The following DYNLL2 variants were observed in gnomAD, a reference collection of about 807,000 sequenced individuals.
DYNLL2 encodes the protein dynein light chain 2, cytoplasmic.
A neutral mutation model predicts 9.7 loss-of-function variants in DYNLL2; 1 was observed. The ratio of observed to expected loss-of-function variants is 0.10; its 90% CI spans 0.04 to 0.49. The LOEUF (loss-of-function observed/expected upper bound fraction) is 0.49, where lower values mean the gene tolerates loss of function less well. Ranked by LOEUF, DYNLL2 falls within the 20% of genes least tolerant of loss-of-function variation. The probability of loss-of-function intolerance (pLI) is 0.95; values close to 1 mark genes in which losing one functional copy is unlikely to be tolerated. For missense variants in DYNLL2, 37 were observed against 115.2 expected (o/e 0.32, Z 3.11); for synonymous variants, 35 against 40.5 (o/e 0.86, Z 0.52).
At position 58,091,516 on chromosome 17, in the gene DYNLL2, T is replaced by C. The variant is rs994484766; in HGVS notation, c.*2237T>C. 2.0e-5 allele frequency: 3 copies of C among 152,298 alleles called. No homozygotes were observed. The highest frequency in any genetic ancestry group is 2.1e-4 in the South Asian group (1 of 4,830). 9.4% of individuals were successfully genotyped at this position (152,298 alleles called of 1,614,324 possible). A position where few individuals can be genotyped will look rare whatever the true frequency, so the allele number is the denominator to read the frequency against. On this transcript the variant is annotated 3_prime_UTR_variant, in exon 3 of 3. Transcript: ENST00000579991. ...TTTGTGTCTTTGGGATAGTAACTGC[T>C]ACCTTCCCAGCTGCCGTCATGGACC...
rs2075762642 is a variant in DYNLL2 at position 58,087,037 on chromosome 17, C to G, written c.-9-45C>G. 2.5e-6 allele frequency: 4 copies of G among 1,605,360 alleles called. No individual in the cohort carries two copies. In the Admixed American group the frequency reaches 5.0e-5, roughly 20 times the overall value. The stretch of plus-strand genomic sequence containing the variant: ...ACACCCAGCAGCTAATGTTCACTGC[C>G]CAGAGCAAGGAGTTGTCAGCCTTAC... On this transcript the variant is annotated intron_variant, in intron 1 of 2. Coordinates refer to ENST00000579991, the MANE Select transcript of DYNLL2 (RefSeq NM_080677.3).
At chr17:58,084,381 G>T (rs1236385779) in intron 1 of DYNLL2, among the ~76,000 whole-genome samples, 1 of 151,188 alleles carries the variant, frequency 6.6e-6, no homozygotes, top group African/African-American at 2.4e-5. Context: ...CTTTTTTTTT[G>T]GTTGCAAAAC....
rs60600936 is a variant in DYNLL2, at chr17:58,083,478, G to GGCTT, written c.-215_-214insGCTT. On this transcript the variant is annotated 5_prime_UTR_variant, in exon 1 of 3. Transcript: ENST00000579991. ...TGCGGAGCGGGCGGGCGGGCGGGCG[G>GGCTT]CGTGAGGCGGAGCGCGGGCGGCCGG... 23 of 150,082 alleles carry GGCTT rather than the reference G, an allele frequency of 1.5e-4. No individual in the cohort carries two copies. Among genetic ancestry groups the GGCTT allele is most frequent in the East Asian group, 7.8e-4 (4 of 5,112 alleles). The allele number at this position is 150,082 out of a possible 1,614,324, so 9.3% of individuals were successfully genotyped here. A position where few individuals can be genotyped will look rare whatever the true frequency, so the allele number is the denominator to read the frequency against.
chr17:58,084,706 C>T (rs1422279986), intron 1 of DYNLL2, among the ~76,000 whole-genome samples: 1 of 152,152 alleles, frequency 6.6e-6, no homozygotes, highest in African/African-American at 2.4e-5. Flanking sequence ...CTTTTAATTA[C>T]TGTAACAAAG....
chr17:58,093,680 CCCT>C lies in DYNLL2; in HGVS notation c.*4408_*4410del, dbSNP rs1161536711. On this transcript the variant is annotated 3_prime_UTR_variant, in exon 3 of 3. Transcript: ENST00000579991. Reference sequence around the variant, plus strand: ...GGACAGCGAGGATACTTTCCTCTCTCCCTCCTCCTTACTCCTCTCTACTAAGGA... The same window carrying C: ...GGACAGCGAGGATACTTTCCTCTCTCCCTCCTTACTCCTCTCTACTAAGGA... The C allele has an allele frequency of 6.6e-6, 1 of 152,164 alleles. No individual in the cohort carries two copies. Among genetic ancestry groups the C allele is most frequent in the Non-Finnish European group, 1.5e-5 (1 of 68,036 alleles). 9.4% of individuals were successfully genotyped at this position (152,164 alleles called of 1,614,324 possible).
intron 1 of DYNLL2, among the ~76,000 whole-genome samples, chr17:58,084,861 A>G (rs1357964605): frequency 6.8e-6 from 1 of 146,418 alleles, no homozygotes; most frequent in Non-Finnish European, 1.5e-5. Flanking sequence ...TCTGAGTGGT[A>G]ACCTGGAATA....
chr17:58,084,644 T>A (rs370882561), intron 1 of DYNLL2, among the ~76,000 whole-genome samples: 91 of 152,348 alleles, frequency 6.0e-4, no homozygotes, highest in African/African-American at 2.0e-3. Flanking sequence ...GCCATTGTAG[T>A]CGTAAGACCA....
intron 2 of DYNLL2, among the ~76,000 whole-genome samples, chr17:58,088,298 C>T (rs897987587): frequency 2.6e-5 from 4 of 152,196 alleles, no homozygotes; most frequent in African/African-American, 9.6e-5. Flanking sequence ...AGTATTTACT[C>T]CTAGTACTTG....
At chr17:58,089,063 C>T in intron 2 of DYNLL2, 79 bp from the exon 3 acceptor site, 2 of 1,558,910 alleles carry the variant, frequency 1.3e-6, no homozygotes, top group South Asian at 1.1e-5. Flanking sequence ...GCTGGAGTTG[C>T]AGGGAGAGAC....
In DYNLL2 at chr17:58,089,220, A is replaced by G; in HGVS notation, c.211A>G (p.Lys71Glu). The G allele has an allele frequency of 1.2e-6, 2 of 1,614,114 alleles. No individual in the cohort carries two copies. Among genetic ancestry groups the G allele is most frequent in the Non-Finnish European group, 1.7e-6 (2 of 1,179,998 alleles). ...NFGSYVTHET[K>E]HFIYFYLGQV... ...TGGCAGCTACGTCACACACGAGACAAAGCACTTCATCTATTTTTACTTGGG... is the reference window on the plus strand; with the variant it reads ...TGGCAGCTACGTCACACACGAGACAGAGCACTTCATCTATTTTTACTTGGG... Residue 71 changes from lysine to glutamate, a missense_variant, in exon 3 of 3, where the codon AAG becomes GAG. Transcript: ENST00000579991.
intron 2 of DYNLL2, among the ~76,000 whole-genome samples, chr17:58,088,852 G>C (rs567909728): frequency 6.6e-6 from 1 of 152,260 alleles, no homozygotes; most frequent in East Asian, 1.9e-4. Flanking sequence ...GGCGTGAGGG[G>C]GTGGGGTAGC....
chr17:58,087,310 G>A lies in DYNLL2; in HGVS notation c.132+88G>A, dbSNP rs1170043764. The A allele has an allele frequency of 1.5e-5, 24 of 1,561,134 alleles. No individual in the cohort carries two copies. In the Admixed American group the frequency reaches 3.5e-4, roughly 23 times the overall value. On this transcript the variant is annotated intron_variant, in intron 2 of 2. Coordinates refer to ENST00000579991, the MANE Select transcript of DYNLL2 (RefSeq NM_080677.3). The stretch of plus-strand genomic sequence containing the variant: ...GGGAGATCTGGAGCTGGGGACATAA[G>A]AAAGCCCGTATATCCTGTGCAAGCA...
At chr17:58,083,819 G>T (rs2075746035) in intron 1 of DYNLL2, 136 bp downstream of exon 1, 1 of 151,800 alleles carries the variant, frequency 6.6e-6, no homozygotes, top group Non-Finnish European at 1.5e-5. Context: ...GGCTGGCCCC[G>T]CAGCCCTTGG....
chr17:58,085,259 A>G (rs1454004770), intron 1 of DYNLL2, among the ~76,000 whole-genome samples: 3 of 152,194 alleles, frequency 2.0e-5, no homozygotes. Context: ...GATGCGGTCA[A>G]GGGCTGCCTG....
chr17:58,086,205 A>T (rs2075759437), intron 1 of DYNLL2, among the ~76,000 whole-genome samples: 1 of 152,170 alleles, frequency 6.6e-6, no homozygotes. Context: ...GCCCCACTGG[A>T]CATTGGTGGC....
Position 58,089,489 on chromosome 17 carries a change from G to A in DYNLL2, c.*210G>A, listed in dbSNP as rs190895072. The A allele has an allele frequency of 1.5e-4, 83 of 562,048 alleles. 1 individual carries two copies. In the Admixed American group the frequency reaches 3.2e-3, roughly 22 times the overall value. 34.8% of individuals were successfully genotyped at this position (562,048 alleles called of 1,614,324 possible). ...GCCTGGGGGAAGAAGGCTGCTTTATGTTTATTTTTCAAGACTTTAAAAATA... is the reference window on the plus strand; with the variant it reads ...GCCTGGGGGAAGAAGGCTGCTTTATATTTATTTTTCAAGACTTTAAAAATA... On this transcript the variant is annotated 3_prime_UTR_variant, in exon 3 of 3. Transcript: ENST00000579991.
In DYNLL2 at chr17:58,093,151, AAAG is replaced by A. The variant is rs901353287; in HGVS notation, c.*3876_*3878del. The A allele has an allele frequency of 1.3e-5, 2 of 152,232 alleles. No homozygotes were observed. Among genetic ancestry groups the A allele is most frequent in the Non-Finnish European group, 2.9e-5 (2 of 68,036 alleles). 9.4% of individuals were successfully genotyped at this position (152,232 alleles called of 1,614,324 possible). A position where few individuals can be genotyped will look rare whatever the true frequency, so the allele number is the denominator to read the frequency against. Reference sequence around the variant, plus strand: ...ATACATACAGATTGCTCAAATGAAAAAAGAAGGGTGCGAGCAAGCCTGGACAGG... The same window carrying A: ...ATACATACAGATTGCTCAAATGAAAAAAGGGTGCGAGCAAGCCTGGACAGG... On this transcript the variant is annotated 3_prime_UTR_variant, in exon 3 of 3. Transcript: ENST00000579991.
rs1194968900 is a variant in DYNLL2 at position 58,091,680 on chromosome 17, G to T, written c.*2401G>T. On this transcript the variant is annotated 3_prime_UTR_variant, in exon 3 of 3. Transcript: ENST00000579991. ...ATGGAAAGCTGGGGATATTTAGAAA[G>T]ATGGCACCTCTTTTGGTGGAACCTA... The T allele has an allele frequency of 1.3e-5, 2 of 152,160 alleles. No homozygotes were observed. The highest frequency in any genetic ancestry group is 2.9e-5 in the Non-Finnish European group (2 of 68,042). 9.4% of individuals were successfully genotyped at this position (152,160 alleles called of 1,614,324 possible).
chr17:58,087,843 G>A (rs966512124), intron 2 of DYNLL2, among the ~76,000 whole-genome samples: 1 of 152,218 alleles, frequency 6.6e-6, no homozygotes, highest in Non-Finnish European at 1.5e-5. Flanking sequence ...AACATGGTGA[G>A]GAAGCAGCTG....
Sources: allele counts gnomAD v4.1 joint callset (sites outside exome capture counted in the v4.1 genomes callset), GRCh38; gene constraint gnomAD v4.1.1; transcripts MANE v1.5; gene names NCBI Gene and HGNC (gene_info 2026-07-23, HGNC 2026-07-21).